TBC1D1: variants seen among roughly 807,000 people sequenced by gnomAD.
TBC1D1 encodes the protein TBC1 (tre-2/USP6, BUB2, cdc16) domain family, member 1.
Under a neutral mutation model 125.6 loss-of-function variants are expected in TBC1D1, and 89 were observed. The observed-to-expected ratio is 0.71, with a 90% CI of 0.60 to 0.85. The LOEUF is 0.85. TBC1D1 is among the 40% of genes least tolerant of loss of function. The pLI is 0.00. For synonymous variants in TBC1D1, 565 were observed against 564.1 expected, an observed-to-expected ratio of 1.00 and a Z score of -0.02; for missense variants, 1,377 against 1,469.2, an observed-to-expected ratio of 0.94 and a Z score of 1.03.
chr4:38,060,574 G>A (rs957677859), intron 12 of TBC1D1: 16 of 1,254,040 alleles, frequency 1.3e-5, no homozygotes, highest in Admixed American at 2.3e-5. Context: ...TCTGAGTAAA[G>A]GGTAAGGATG....
At chr4:37,994,235 C>G (rs377169286) in intron 2 of TBC1D1, among the ~76,000 whole-genome samples, 9 of 152,184 alleles carry the variant, frequency 5.9e-5, no homozygotes, top group African/African-American at 1.2e-4. Context: ...TGAATGAGCT[C>G]TAGTTGAAAG....
intron 2 of TBC1D1, among the ~76,000 whole-genome samples, chr4:37,957,786 A>G (rs1424168477): frequency 1.3e-5 from 2 of 152,148 alleles, no homozygotes; most frequent in Admixed American, 6.5e-5. Context: ...TAAAAGGTCA[A>G]TTCTGACATG....
At chr4:37,914,578 C>T (rs1719311525) in intron 2 of TBC1D1, among the ~76,000 whole-genome samples, 1 of 152,178 alleles carries the variant, frequency 6.6e-6, no homozygotes, top group African/African-American at 2.4e-5. Flanking sequence ...CCTGCTTATT[C>T]TTTCCACCAG....
intron 2 of TBC1D1, among the ~76,000 whole-genome samples, chr4:38,010,703 C>T (rs1267421622): frequency 1.3e-5 from 2 of 152,206 alleles, no homozygotes; most frequent in Non-Finnish European, 2.9e-5. Flanking sequence ...AGGTCACCAC[C>T]AAATCCTGTT....
chr4:38,113,349 C>T (rs1405203586), intron 15 of TBC1D1, among the ~76,000 whole-genome samples: 1 of 152,180 alleles, frequency 6.6e-6, no homozygotes, highest in South Asian at 2.1e-4. Context: ...CTGCTAGGCC[C>T]ACCCTCTTAG....
intron 12 of TBC1D1, among the ~76,000 whole-genome samples, chr4:38,059,189 A>G (rs998419163): frequency 6.6e-6 from 1 of 152,190 alleles, no homozygotes; most frequent in Non-Finnish European, 1.5e-5. Flanking sequence ...TCCAGGACAA[A>G]TATTCCCAAA....
chr4:38,066,622 G>A (rs1355219669), intron 12 of TBC1D1, among the ~76,000 whole-genome samples: 1 of 152,070 alleles, frequency 6.6e-6, no homozygotes, highest in African/African-American at 2.4e-5. Flanking sequence ...TTGTGCCACT[G>A]CGCCAGGCCT....
chr4:38,021,153 A>G (rs1177690788), intron 5 of TBC1D1, among the ~76,000 whole-genome samples: 3 of 152,256 alleles, frequency 2.0e-5, no homozygotes, highest in Admixed American at 2.0e-4. Flanking sequence ...GCAAAGGCAC[A>G]TCTTACATGG....
chr4:37,951,829 C>T (rs1158858868), intron 2 of TBC1D1, among the ~76,000 whole-genome samples: 2 of 152,186 alleles, frequency 1.3e-5, no homozygotes, highest in Non-Finnish European at 2.9e-5. Context: ...GGGGTCACAG[C>T]CTTTGCCCAG....
At chr4:38,003,855 C>G (rs951151498) in intron 2 of TBC1D1, among the ~76,000 whole-genome samples, 1 of 136,124 alleles carries the variant, frequency 7.3e-6, no homozygotes, top group South Asian at 2.4e-4. Context: ...GGCAACAGAG[C>G]AAGACCCTGT....
intron 2 of TBC1D1, among the ~76,000 whole-genome samples, chr4:37,918,235 G>A (rs1386937145): frequency 1.3e-5 from 2 of 152,126 alleles, no homozygotes; most frequent in African/African-American, 4.8e-5. Flanking sequence ...ATCTCAGACT[G>A]CTCATGATAA....
intron 12 of TBC1D1, among the ~76,000 whole-genome samples, chr4:38,059,497 A>G (rs1752372044): frequency 6.6e-6 from 1 of 152,238 alleles, no homozygotes; most frequent in Admixed American, 6.5e-5. Flanking sequence ...AATGTAAAGC[A>G]AATGGCTTTA....
chr4:38,046,075 G>A (rs1180128404), intron 10 of TBC1D1, among the ~76,000 whole-genome samples, 172 bp downstream of exon 10: 2 of 152,128 alleles, frequency 1.3e-5, no homozygotes, highest in Non-Finnish European at 2.9e-5. Context: ...ACATAAAAGA[G>A]CAGATGGGGC....
chr4:38,051,906 C>G, intron 11 of TBC1D1: 1 of 1,550,168 alleles, frequency 6.5e-7, no homozygotes, highest in African/African-American at 1.4e-5. Context: ...TAGTGTGGAT[C>G]CTTCACCTGT....
intron 2 of TBC1D1, among the ~76,000 whole-genome samples, chr4:37,930,581 C>T (rs545699419): frequency 6.6e-6 from 1 of 152,252 alleles, no homozygotes; most frequent in South Asian, 2.1e-4. Context: ...CCTGCCTCAG[C>T]CTCCTGAGTA....
At chr4:38,111,085 T>C (rs1388839837) in intron 15 of TBC1D1, among the ~76,000 whole-genome samples, 2 of 152,264 alleles carry the variant, frequency 1.3e-5, no homozygotes, top group Admixed American at 6.5e-5. Context: ...GCGCATCATA[T>C]GGGTGGTCTT....
At chr4:37,931,222 C>G (rs111997767) in intron 2 of TBC1D1, among the ~76,000 whole-genome samples, 1 of 152,082 alleles carries the variant, frequency 6.6e-6, no homozygotes, top group Admixed American at 6.6e-5. Flanking sequence ...CCTGCCTCAC[C>G]CTCCCAAGGA....
chr4:38,013,475 A>T, intron 2 of TBC1D1, among the ~76,000 whole-genome samples: 1 of 152,188 alleles, frequency 6.6e-6, no homozygotes, highest in East Asian at 1.9e-4. Context: ...TATATAGAAA[A>T]ATGGAAAAAA....
chr4:38,078,315 C>G (rs1755949053), intron 12 of TBC1D1, among the ~76,000 whole-genome samples: 1 of 152,132 alleles, frequency 6.6e-6, no homozygotes, highest in Non-Finnish European at 1.5e-5. Flanking sequence ...AAACATATTC[C>G]TTTTTTCTTA....
Sources: gnomAD v4.1 joint callset for allele counts (sites outside exome capture counted in the v4.1 genomes callset) on GRCh38, gnomAD v4.1.1 for gene constraint, MANE v1.5 for transcripts, NCBI Gene and HGNC (gene_info 2026-07-23, HGNC 2026-07-21) for gene names.